The following RHD variants were observed in gnomAD, a reference collection of about 807,000 sequenced individuals.
RHD encodes Rh blood group D antigen, also known as blood group Rh(D) polypeptide.
RHD carries 16 observed loss-of-function variants against 45.5 expected under a neutral mutation model. The observed-to-expected ratio is 0.35, with a 90% CI of 0.24 to 0.53. The LOEUF is 0.53. Among genes scored for constraint, RHD ranks in the 20% least tolerant of loss-of-function variants. RHD has a pLI of 0.92. For missense variants in RHD, 306 were observed against 532.0 expected (o/e 0.58, Z 4.18); for synonymous variants, 131 against 217.5 (o/e 0.60, Z 3.50).
chr1:25,274,872 T>C lies in RHD; in HGVS notation c.148+2177T>C, dbSNP rs1362697120. Among the ~76,000 whole-genome samples, 6 of 130,040 alleles carry C rather than the reference T, an allele frequency of 4.6e-5. 1 individual carries two copies. Among genetic ancestry groups the C allele is most frequent in the African/African-American group, 1.6e-4 (6 of 38,040 alleles). The allele number at this position is 130,040 out of a possible 152,430, so 85.3% of individuals were successfully genotyped here. On this transcript the variant is annotated intron_variant, in intron 1 of 9. Transcript: ENST00000328664. ...AATTATAAAAACTGGCTGGGTGTGG[T>C]GGCACACGTCTATAATCCGAGCTAC...
intron 1 of RHD, among the ~76,000 whole-genome samples, chr1:25,283,867 G>A (rs1160355014): frequency 1.5e-5 from 2 of 133,988 alleles, no homozygotes; most frequent in Non-Finnish European, 3.5e-5. Flanking sequence ...TTAAACCAAA[G>A]TGCTCACCCT....
At chr1:25,313,980 T>C (rs576327771) in intron 7 of RHD, among the ~76,000 whole-genome samples, 2 of 133,238 alleles carry the variant, frequency 1.5e-5, no homozygotes, top group East Asian at 3.9e-4. Flanking sequence ...TTATCCATTA[T>C]TGAGGAGGAT....
In RHD at chr1:25,295,850, ATTTTTTTTTTTTTTT is replaced by A. The variant is rs61131306; in HGVS notation, c.486+5074_487-5067del. Reference sequence around the variant, plus strand: ...AATGGTCTGGGAGGGAATATGGGAAATTTTTTTTTTTTTTTTTTTTTTTTTTTTTGAGATGGAGTT... The same window carrying A: ...AATGGTCTGGGAGGGAATATGGGAAATTTTTTTTTTTTTTGAGATGGAGTT... On this transcript the variant is annotated intron_variant, in intron 3 of 9. Transcript: ENST00000328664. 1.0e-3 allele frequency among the ~76,000 whole-genome samples: 81 copies of A among 81,330 alleles called. 11 individuals are homozygous for A. The highest frequency in any genetic ancestry group is 3.2e-3 in the African/African-American group (74 of 23,208). 53.4% of individuals were successfully genotyped at this position (81,330 alleles called of 152,430 possible).
intron 8 of RHD, among the ~76,000 whole-genome samples, chr1:25,318,736 G>A (rs1214369349): frequency 7.5e-6 from 1 of 132,912 alleles, no homozygotes; most frequent in African/African-American, 2.6e-5. Context: ...GACACTATGA[G>A]TTGTGTGACG....
intron 1 of RHD, among the ~76,000 whole-genome samples, chr1:25,277,692 T>G (rs565873820): frequency 7.8e-6 from 1 of 128,768 alleles, no homozygotes; most frequent in African/African-American, 2.6e-5. Flanking sequence ...AGCTTTTTTT[T>G]TGAGACAGAG....
chr1:25,301,544 G>A lies in RHD; in HGVS notation c.659G>A (p.Trp220Ter), dbSNP rs1396078133. 7.3e-7 allele frequency: 1 copy of A among 1,378,682 alleles called. No homozygotes were observed. The highest frequency in any genetic ancestry group is 1.8e-5 in the Admixed American group (1 of 56,228). 85.4% of individuals were successfully genotyped at this position (1,378,682 alleles called of 1,614,324 possible). A position where few individuals can be genotyped will look rare whatever the true frequency, so the allele number is the denominator to read the frequency against. Residue 220 changes from tryptophan to a stop codon, truncating the protein, a stop_gained, in exon 5 of 10, where the codon TGG becomes TAG. Coordinates refer to ENST00000328664, the MANE Select transcript of RHD (RefSeq NM_016124.6). LOFTEE classifies it high-confidence loss of function. ...MLGALFLWMF[W>*]PSFNSALLRS... ...GGCGCCCTCTTCTTGTGGATGTTCTGGCCAAGTTTCAACTCTGCTCTGCTG... is the reference window on the plus strand; with the variant it reads ...GGCGCCCTCTTCTTGTGGATGTTCTAGCCAAGTTTCAACTCTGCTCTGCTG...
At chr1:25,274,003 T>C (rs1162992761) in intron 1 of RHD, among the ~76,000 whole-genome samples, 1 of 132,444 alleles carries the variant, frequency 7.6e-6, no homozygotes, top group African/African-American at 2.6e-5. Flanking sequence ...TTTAATTCAC[T>C]TCAATTTACT....
intron 7 of RHD, among the ~76,000 whole-genome samples, chr1:25,316,230 A>AG (rs1644431414): frequency 7.7e-6 from 1 of 130,006 alleles, no homozygotes; most frequent in Non-Finnish European, 1.8e-5. Context: ...TTCAAGGGGT[A>AG]GGGATGGGCA....
chr1:25,309,888 A>C (rs1265550267), intron 7 of RHD, among the ~76,000 whole-genome samples: 1 of 133,028 alleles, frequency 7.5e-6, no homozygotes, highest in East Asian at 2.0e-4. Flanking sequence ...TGCTTCATTC[A>C]TTTCTTTTTC....
chr1:25,305,374 A>ATATTTATTTATT lies in RHD; in HGVS notation c.940-1193_940-1182dup, dbSNP rs34347122. On this transcript the variant is annotated intron_variant, in intron 6 of 9. Transcript: ENST00000328664. Reference sequence around the variant, plus strand: ...TTCCTGGGCTAGTTGAGGAGTCTGGATATTTATTTATTTATTTATTTATTT... The same window carrying ATATTTATTTATT: ...TTCCTGGGCTAGTTGAGGAGTCTGGATATTTATTTATTTATTTATTTATTTATTTATTTATTT... Among the ~76,000 whole-genome samples, 252 of 106,796 alleles carry ATATTTATTTATT rather than the reference A, an allele frequency of 2.4e-3. 28 individuals are homozygous for ATATTTATTTATT. Among genetic ancestry groups the ATATTTATTTATT allele is most frequent in the African/African-American group, 6.0e-3 (195 of 32,470 alleles). 70.1% of individuals were successfully genotyped at this position (106,796 alleles called of 152,430 possible).
chr1:25,281,061 A>G (rs1641452549), intron 1 of RHD, among the ~76,000 whole-genome samples: 1 of 132,362 alleles, frequency 7.6e-6, no homozygotes, highest in African/African-American at 2.6e-5. Context: ...TGTGTTACAG[A>G]CAGGGAAACT....
At chr1:25,309,981 A>G (rs1327133136) in intron 7 of RHD, among the ~76,000 whole-genome samples, 1 of 132,492 alleles carries the variant, frequency 7.5e-6, no homozygotes, top group African/African-American at 2.5e-5. Flanking sequence ...TATTACTTAA[A>G]AAAACCCCAA....
Position 25,298,765 on chromosome 1 carries a change from C to G in RHD, c.487-2181C>G, listed in dbSNP as rs1643139338. Among the ~76,000 whole-genome samples the G allele has an allele frequency of 2.3e-5, 3 of 130,572 alleles. 1 individual carries two copies. The highest frequency in any genetic ancestry group is 2.2e-4 in the Admixed American group (3 of 13,344). The allele number at this position is 130,572 out of a possible 152,430, so 85.7% of individuals were successfully genotyped here. A position where few individuals can be genotyped will look rare whatever the true frequency, so the allele number is the denominator to read the frequency against. On this transcript the variant is annotated intron_variant, in intron 3 of 9. Transcript: ENST00000328664. The stretch of plus-strand genomic sequence containing the variant: ...ATACAACTCTCATGGAACGTCTGTT[C>G]CAGAAGGAAAGACTGCCAATAAACA...
At chr1:25,285,350 T>A (rs1450787246) in intron 2 of RHD, among the ~76,000 whole-genome samples, 2 of 134,132 alleles carry the variant, frequency 1.5e-5, no homozygotes, top group African/African-American at 5.2e-5. Context: ...GTCAGGCTAG[T>A]CTCAAACTCC....
At position 25,273,894 on chromosome 1, in the gene RHD, C is replaced by G. The variant is rs1316701112; in HGVS notation, c.148+1199C>G. On this transcript the variant is annotated intron_variant, in intron 1 of 9. Transcript: ENST00000328664. ...AGAGAAGTCATCCTGGGGGCCATGG[C>G]AGTGACAAGTAGGACTTAGGGAGGG... Among the ~76,000 whole-genome samples, 8 of 129,126 alleles carry G rather than the reference C, an allele frequency of 6.2e-5. 2 individuals carry two copies. The highest frequency in any genetic ancestry group is 1.5e-4 in the Non-Finnish European group (8 of 54,444). 84.7% of individuals were successfully genotyped at this position (129,126 alleles called of 152,430 possible). A position where few individuals can be genotyped will look rare whatever the true frequency, so the allele number is the denominator to read the frequency against.
rs745979861 is a variant in RHD at position 25,315,407 on chromosome 1, T to C, written c.1074-1593T>C. ...GAAGGGGGGATGGCTGCCTGAATGGTTGGGCAGGTAGTTGTTGACATCTGC... is the reference window on the plus strand; with the variant it reads ...GAAGGGGGGATGGCTGCCTGAATGGCTGGGCAGGTAGTTGTTGACATCTGC... On this transcript the variant is annotated intron_variant, in intron 7 of 9. Transcript: ENST00000328664. Among the ~76,000 whole-genome samples the C allele has an allele frequency of 4.6e-5, 6 of 129,662 alleles. 3 individuals carry two copies. Among genetic ancestry groups the C allele is most frequent in the Non-Finnish European group, 7.3e-5 (4 of 55,104 alleles). 85.1% of individuals were successfully genotyped at this position (129,662 alleles called of 152,430 possible). A position where few individuals can be genotyped will look rare whatever the true frequency, so the allele number is the denominator to read the frequency against.
intron 7 of RHD, chr1:25,307,786 G>A (rs1271981175): frequency 7.7e-7 from 1 of 1,301,124 alleles, no homozygotes; most frequent in African/African-American, 1.5e-5. Context: ...GACAACCATA[G>A]CCCCAAATTA....
At chr1:25,272,776 C>G in intron 1 of RHD, 81 bp downstream of exon 1, 1 of 1,335,672 alleles carries the variant, frequency 7.5e-7, no homozygotes, top group Non-Finnish European at 1.1e-6. Flanking sequence ...TCCAGGGGCA[C>G]AGATGTTCCT....
chr1:25,273,045 A>T (rs1238867097), intron 1 of RHD, among the ~76,000 whole-genome samples: 1 of 131,408 alleles, frequency 7.6e-6, no homozygotes, highest in East Asian at 2.0e-4. Context: ...TTATTTTTAT[A>T]GATTTAGGGG....
Sources: gnomAD v4.1 joint callset for allele counts (sites outside exome capture counted in the v4.1 genomes callset) on GRCh38, gnomAD v4.1.1 for gene constraint, MANE v1.5 for transcripts, NCBI Gene and HGNC (gene_info 2026-07-23, HGNC 2026-07-21) for gene names.